The following PDCL3 variants were observed in gnomAD, a reference collection of about 807,000 sequenced individuals.
PDCL3 encodes phosducin like 3.
PDCL3 carries 22 observed loss-of-function variants against 26.5 expected under a neutral mutation model. That is an observed-to-expected ratio of 0.83 (90% CI 0.59 to 1.19). The LOEUF is 1.19. PDCL3 is among the 50% of genes most tolerant of loss of function. PDCL3 has a pLI of 0.00. For synonymous variants in PDCL3, 81 were observed against 104.9 expected (o/e 0.77, Z 1.39); for missense variants, 246 against 294.1 (o/e 0.84, Z 1.20).
intron 1 of PDCL3, chr2:100,563,330 C>A: frequency 2.1e-6 from 1 of 465,606 alleles, no homozygotes. Flanking sequence ...TTCTCGCGGT[C>A]TCTACCCACC....
Position 100,576,531 on chromosome 2 carries a change from T to G in PDCL3, c.*35T>G. 1 of 1,503,584 alleles carries G rather than the reference T, an allele frequency of 6.7e-7. No individual in the cohort carries two copies. Among genetic ancestry groups the G allele is most frequent in the South Asian group, 1.3e-5 (1 of 74,704 alleles). The allele number at this position is 1,503,584 out of a possible 1,614,324, so 93.1% of individuals were successfully genotyped here. A position where few individuals can be genotyped will look rare whatever the true frequency, so the allele number is the denominator to read the frequency against. On this transcript the variant is annotated 3_prime_UTR_variant, in exon 6 of 6. Transcript: ENST00000264254. ...TTCTATCACATGCCGAACTTTCTTG[T>G]GACAAATTGTCTGGATTTTTTAAAA... is the stretch of plus-strand genomic sequence containing the variant.
intron 5 of PDCL3, among the ~76,000 whole-genome samples, chr2:100,573,846 G>A (rs1320653166): frequency 2.0e-5 from 3 of 152,078 alleles, no homozygotes; most frequent in African/African-American, 7.2e-5. Flanking sequence ...GTACCATGAG[G>A]GGAGAGAGAA....
Position 100,568,875 on chromosome 2 carries a change from T to G in PDCL3, c.134-56T>G, listed in dbSNP as rs574045672. On this transcript the variant is annotated intron_variant, in intron 2 of 5. Transcript: ENST00000264254. ...GAAAAGAGAGGGGAAAAAAGAAAAATACATGTTCGTTCATCTTTTTAAATT... is the reference window on the plus strand; with the variant it reads ...GAAAAGAGAGGGGAAAAAAGAAAAAGACATGTTCGTTCATCTTTTTAAATT... 3 of 1,404,534 alleles carry G rather than the reference T, an allele frequency of 2.1e-6. No individual in the cohort carries two copies. In the East Asian group the frequency reaches 6.8e-5, roughly 32 times the overall value. The allele number at this position is 1,404,534 out of a possible 1,614,324, so 87.0% of individuals were successfully genotyped here. A position where few individuals can be genotyped will look rare whatever the true frequency, so the allele number is the denominator to read the frequency against.
intron 1 of PDCL3, among the ~76,000 whole-genome samples, chr2:100,563,760 G>A (rs1461174385): frequency 6.6e-6 from 1 of 152,006 alleles, no homozygotes. Flanking sequence ...GAAAACCTAT[G>A]CCAACTAAAT....
chr2:100,566,105 G>A (rs1030263440), intron 1 of PDCL3, among the ~76,000 whole-genome samples: 3 of 151,838 alleles, frequency 2.0e-5, no homozygotes, highest in African/African-American at 7.3e-5. Context: ...GGGTTTCACC[G>A]TGTTAGTCAG....
At chr2:100,563,107 C>A in intron 1 of PDCL3, 34 bp downstream of exon 1, 1 of 1,590,462 alleles carries the variant, frequency 6.3e-7, no homozygotes, top group Non-Finnish European at 8.6e-7. Context: ...CTGGGGGCTG[C>A]GGCCCGTTCC....
chr2:100,566,557 C>A lies in PDCL3; in HGVS notation c.61C>A (p.Pro21Thr). Residue 21 changes from proline to threonine, a missense_variant, in exon 2 of 6, where the codon CCC becomes ACC. Transcript: ENST00000264254. The stretch of plus-strand genomic sequence containing the variant: ...CATCTTACGCAAAAAGGGTATCTTA[C>A]CCCCCAAGGAAAGTCTGAAAGAATT... Reference protein sequence around the residue: ...NDILRKKGILPPKESLKELEE... With the variant: ...NDILRKKGILTPKESLKELEE... The A allele has an allele frequency of 6.2e-7, 1 of 1,613,768 alleles. No homozygotes were observed. The highest frequency in any genetic ancestry group is 1.1e-5 in the South Asian group (1 of 91,056).
At chr2:100,571,942 T>C (rs1006965168) in intron 5 of PDCL3, 144 bp downstream of exon 5, 14 of 530,762 alleles carry the variant, frequency 2.6e-5, no homozygotes, top group Non-Finnish European at 4.2e-5. Context: ...ACGTTTAATC[T>C]CTCATCTTAG....
intron 5 of PDCL3, among the ~76,000 whole-genome samples, chr2:100,575,097 C>CA (rs940619819): frequency 3.9e-5 from 6 of 152,016 alleles, no homozygotes; most frequent in Admixed American, 1.3e-4. Context: ...AGCCTGTCTC[C>CA]AAAAAAGTAG....
chr2:100,574,972 C>A (rs1005395666), intron 5 of PDCL3, among the ~76,000 whole-genome samples: 1 of 152,110 alleles, frequency 6.6e-6, no homozygotes, highest in African/African-American at 2.4e-5. Flanking sequence ...GTGGTGCACA[C>A]CTGTAGTCTC....
intron 5 of PDCL3, among the ~76,000 whole-genome samples, chr2:100,572,978 G>A (rs1675208796): frequency 6.6e-6 from 1 of 151,824 alleles, no homozygotes; most frequent in Non-Finnish European, 1.5e-5. Flanking sequence ...TCCACCTTCT[G>A]GTTTCAAGCA....
intron 2 of PDCL3, among the ~76,000 whole-genome samples, chr2:100,568,157 A>G (rs983554252): frequency 2.3e-4 from 35 of 152,172 alleles, no homozygotes; most frequent in African/African-American, 8.0e-4. Flanking sequence ...ACAAATAGCC[A>G]CATTAAGAGG....
In PDCL3 at chr2:100,575,349, A is replaced by G. The variant is rs368374518; in HGVS notation, c.578-1005A>G. Among the ~76,000 whole-genome samples the G allele has an allele frequency of 7.2e-4, 110 of 152,140 alleles. 1 individual carries two copies. Among genetic ancestry groups the G allele is most frequent in the East Asian group, 2.1e-3 (11 of 5,138 alleles). On this transcript the variant is annotated intron_variant, in intron 5 of 5. Transcript: ENST00000264254. ...ACGGGGTTTCACCGTGTTAGCCAGG[A>G]TGGTCTCGATCTCCAGACTTCGTGA...
At chr2:100,573,050 A>G (rs1210396205) in intron 5 of PDCL3, among the ~76,000 whole-genome samples, 1 of 149,736 alleles carries the variant, frequency 6.7e-6, no homozygotes, top group Non-Finnish European at 1.5e-5. Context: ...ACGCTTGGCT[A>G]ATTTTTGTAT....
intron 4 of PDCL3, among the ~76,000 whole-genome samples, chr2:100,570,798 A>G (rs1365474305): frequency 6.6e-6 from 1 of 152,050 alleles, no homozygotes; most frequent in Non-Finnish European, 1.5e-5. Flanking sequence ...AAAGCAGAAA[A>G]CGTTTTCTGA....
At position 100,571,800 on chromosome 2, in the gene PDCL3, T is replaced by G; in HGVS notation, c.577+2T>G. The stretch of plus-strand genomic sequence containing the variant: ...GCGGCATGAACCTGACAAGAGATGG[T>G]AAGGGCTCTGGGAGACAGGCGGGGC... On this transcript the variant is annotated splice_donor_variant, in intron 5 of 5. Coordinates refer to ENST00000264254, the MANE Select transcript of PDCL3 (RefSeq NM_024065.5). LOFTEE classifies it high-confidence loss of function. The G allele has an allele frequency of 1.9e-6, 3 of 1,612,532 alleles. No individual in the cohort carries two copies. Among genetic ancestry groups the G allele is most frequent in the Non-Finnish European group, 2.5e-6 (3 of 1,178,762 alleles).
At chr2:100,569,535 A>C (rs781188520) in intron 3 of PDCL3, 43 bp from the exon 4 acceptor site, 32 of 1,607,752 alleles carry the variant, frequency 2.0e-5, no homozygotes, top group Non-Finnish European at 2.7e-5. Flanking sequence ...GTGTGTGTAC[A>C]CGTGTTTGTG....
chr2:100,575,898 ATTC>A (rs1475630725), intron 5 of PDCL3, among the ~76,000 whole-genome samples: 2 of 151,926 alleles, frequency 1.3e-5, no homozygotes, highest in Admixed American at 6.6e-5. Flanking sequence ...GGATAGGTTT[ATTC>A]TTTGTATTTT....
rs201116072 is a variant in PDCL3 at position 100,567,823 on chromosome 2, C to CTTT, written c.134-1104_134-1102dup. Among the ~76,000 whole-genome samples the CTTT allele has an allele frequency of 3.4e-5, 5 of 146,514 alleles. 1 individual carries two copies. The highest frequency in any genetic ancestry group is 6.0e-5 in the Non-Finnish European group (4 of 66,736). Reference sequence around the variant, plus strand: ...TTTAAACAGAAGAGTGACATTTTCTCTTTTTTGTTTTTTTTTTGAGATGGA... The same window carrying CTTT: ...TTTAAACAGAAGAGTGACATTTTCTCTTTTTTTTTGTTTTTTTTTTGAGATGGA... On this transcript the variant is annotated intron_variant, in intron 2 of 5. Coordinates refer to ENST00000264254, the MANE Select transcript of PDCL3 (RefSeq NM_024065.5).
Sources: allele counts gnomAD v4.1 joint callset (sites outside exome capture counted in the v4.1 genomes callset), GRCh38; gene constraint gnomAD v4.1.1; transcripts MANE v1.5; gene names NCBI Gene and HGNC (gene_info 2026-07-23, HGNC 2026-07-21).